Variants in GLI2 observed in about 807,000 individuals in gnomAD.
The protein encoded by GLI2 is GLI family zinc finger 2.
GLI2 carries 22 observed loss-of-function variants against 78.9 expected under a neutral mutation model. The observed-to-expected ratio is 0.28, with a 90% CI of 0.20 to 0.40. The LOEUF is 0.40. Among genes scored for constraint, GLI2 ranks in the 10% least tolerant of loss-of-function variants. The probability of loss-of-function intolerance (pLI) is 1.00; values close to 1 mark genes in which losing one functional copy is unlikely to be tolerated. For missense variants in GLI2, 2,097 were observed against 2,213.2 expected (o/e 0.95, Z 1.05); for synonymous variants, 974 against 963.7 (o/e 1.01, Z -0.20).
intron 2 of GLI2, among the ~76,000 whole-genome samples, chr2:120,823,055 C>T (rs1231478037): frequency 9.0e-6 from 1 of 111,652 alleles, no homozygotes; most frequent in Non-Finnish European, 1.8e-5. Context: ...GACATCCCAA[C>T]AGGGAACCTG....
In GLI2 at chr2:120,929,754, C is replaced by T. The variant is rs891842117; in HGVS notation, c.254+2288C>T. Among the ~76,000 whole-genome samples, 5 of 152,246 alleles carry T rather than the reference C, an allele frequency of 3.3e-5. No individual in the cohort carries two copies. The South Asian group carries it at 8.3e-4, about 25-fold the overall frequency. On this transcript the variant is annotated intron_variant, in intron 3 of 13. Transcript: ENST00000361492. ...ACCTGGTTCTCACTTGACTAGGATC[C>T]GCTGCCGCAGCCTTATGTCTGCCTG...
chr2:120,747,115 A>T (rs541640583), intron 1 of GLI2, among the ~76,000 whole-genome samples: 3 of 152,234 alleles, frequency 2.0e-5, no homozygotes, highest in Non-Finnish European at 2.9e-5. Flanking sequence ...AGATTCCCAA[A>T]AGTGGAATAA....
intron 11 of GLI2, among the ~76,000 whole-genome samples, chr2:120,983,397 A>G (rs1449805204): frequency 6.6e-6 from 1 of 152,200 alleles, no homozygotes; most frequent in Non-Finnish European, 1.5e-5. Context: ...ATCCTGGGTC[A>G]CTGCTCCCCA....
In GLI2 at chr2:120,736,001, G is replaced by A. The variant is rs1408395470; in HGVS notation, c.-315G>A. 2.6e-5 allele frequency among the ~76,000 whole-genome samples: 4 copies of A among 151,912 alleles called. No individual in the cohort carries two copies. The highest frequency in any genetic ancestry group is 1.3e-4 in the Admixed American group (2 of 15,258). On this transcript the variant is annotated 5_prime_UTR_variant, in exon 1 of 14. Coordinates refer to ENST00000361492, the MANE Select transcript of GLI2 (RefSeq NM_001374353.1). ...GGCGGCTGCGACTGCGAACGCGGAG[G>A]AAGGCCAGGAGCCGCAGGAGGAGCC...
At position 120,762,009 on chromosome 2, in the gene GLI2, A is replaced by G. The variant is rs188014633; in HGVS notation, c.-31+25724A>G. On this transcript the variant is annotated intron_variant, in intron 1 of 13. Coordinates refer to ENST00000361492, the MANE Select transcript of GLI2 (RefSeq NM_001374353.1). ...GTTCCCAGTGCCGCTTTGCTTCAGC[A>G]CAGCTGATGGCAGACATTCAGATAA... Among the ~76,000 whole-genome samples the G allele has an allele frequency of 5.2e-3, 796 of 152,344 alleles. 6 individuals carry two copies. The highest frequency in any genetic ancestry group is 7.7e-3 in the Non-Finnish European group (526 of 68,022).
At chr2:120,912,274 G>GTT (rs564285080) in intron 2 of GLI2, among the ~76,000 whole-genome samples, 7,218 of 136,840 alleles carry the variant, frequency 0.053, 294 homozygotes, top group African/African-American at 0.11. Context: ...TTTGCAAGAG[G>GTT]TTTTTTTTTT....
chr2:120,785,698 G>C (rs1683978223), intron 1 of GLI2, among the ~76,000 whole-genome samples: 2 of 152,216 alleles, frequency 1.3e-5, no homozygotes, highest in African/African-American at 2.4e-5. Flanking sequence ...CGTGGCTGCA[G>C]GTGGCTTGGA....
chr2:120,736,770 C>G (rs776500), intron 1 of GLI2, among the ~76,000 whole-genome samples: 3,166 of 152,060 alleles, frequency 0.021, 113 homozygotes, highest in African/African-American at 0.072. Context: ...CACTTCTCCG[C>G]GCTGCGCGTC....
intron 2 of GLI2, among the ~76,000 whole-genome samples, chr2:120,816,950 C>T (rs1293727596): frequency 6.6e-6 from 1 of 152,226 alleles, no homozygotes; most frequent in African/African-American, 2.4e-5. Context: ...ATCCATGGGT[C>T]TGTCTTGCAC....
In GLI2 at chr2:120,948,302, G is replaced by A. The variant is rs186018026; in HGVS notation, c.255-2941G>A. ...GCTTACTTCATGGGGGCTGCCATGAGGATATAGTCCAGGCATCCCTGCAGA... is the reference window on the plus strand; with the variant it reads ...GCTTACTTCATGGGGGCTGCCATGAAGATATAGTCCAGGCATCCCTGCAGA... On this transcript the variant is annotated intron_variant, in intron 3 of 13. Transcript: ENST00000361492. Among the ~76,000 whole-genome samples the A allele has an allele frequency of 3.0e-4, 45 of 152,312 alleles. 1 individual carries two copies. Among genetic ancestry groups the A allele is most frequent in the Admixed American group, 1.0e-3 (16 of 15,314 alleles).
chr2:120,907,291 G>A (rs1273082024), intron 2 of GLI2, among the ~76,000 whole-genome samples: 2 of 152,064 alleles, frequency 1.3e-5, no homozygotes, highest in Non-Finnish European at 2.9e-5. Flanking sequence ...TTGAGACCTG[G>A]CCCAGCACTT....
Position 120,978,536 on chromosome 2 carries a change from G to A in GLI2, c.1420G>A (p.Val474Met). 6.2e-7 allele frequency: 1 copy of A among 1,614,110 alleles called. No homozygotes were observed. The highest frequency in any genetic ancestry group is 8.5e-7 in the Non-Finnish European group (1 of 1,180,020). ...GCCCTTCAAGGCGCAGTACATGCTG[G>A]TGGTGCACATGCGGCGACACACGGG... Reference protein sequence around the residue: ...QKPFKAQYMLVVHMRRHTGEK... With the variant: ...QKPFKAQYMLMVHMRRHTGEK... The change falls in exon 10 of 14, where the codon GTG becomes ATG. Residue 474 changes from valine to methionine, a missense_variant. Coordinates refer to ENST00000361492, the MANE Select transcript of GLI2 (RefSeq NM_001374353.1).
In GLI2 at chr2:120,949,774, G is replaced by A. The variant is rs111603083; in HGVS notation, c.255-1469G>A. Among the ~76,000 whole-genome samples, 740 of 152,332 alleles carry A rather than the reference G, an allele frequency of 4.9e-3. 2 individuals carry two copies. The highest frequency in any genetic ancestry group is 0.017 in the African/African-American group (700 of 41,568). ...AGACTCCCTCCAGGCCTGGCACAGC[G>A]GCCTCCCAGGGGGGTGTTTGTGAAA... On this transcript the variant is annotated intron_variant, in intron 3 of 13. Transcript: ENST00000361492.
chr2:120,782,930 A>T (rs1014920972), intron 1 of GLI2, among the ~76,000 whole-genome samples: 2 of 152,182 alleles, frequency 1.3e-5, no homozygotes, highest in South Asian at 2.1e-4. Context: ...TGGGACCTCC[A>T]TGAGGCTCCC....
intron 1 of GLI2, among the ~76,000 whole-genome samples, chr2:120,756,837 TTTC>T (rs1284468874): frequency 6.6e-6 from 1 of 152,218 alleles, no homozygotes; most frequent in Non-Finnish European, 1.5e-5. Flanking sequence ...TCTTTAAATA[TTTC>T]TTCTTCCTAT....
At chr2:120,864,579 C>G (rs983753865) in intron 2 of GLI2, among the ~76,000 whole-genome samples, 3 of 152,204 alleles carry the variant, frequency 2.0e-5, no homozygotes, top group African/African-American at 7.2e-5. Context: ...TCACACCATT[C>G]TCCTGCCTCA....
At chr2:120,985,617 A>G (rs1290421600) in intron 12 of GLI2, among the ~76,000 whole-genome samples, 5 of 152,136 alleles carry the variant, frequency 3.3e-5, no homozygotes, top group Non-Finnish European at 4.4e-5. Flanking sequence ...TGGCCTAACA[A>G]TGAGCCCAGA....
At chr2:120,957,874 G>T (rs750816155) in intron 5 of GLI2, among the ~76,000 whole-genome samples, 25 of 152,240 alleles carry the variant, frequency 1.6e-4, no homozygotes, top group Non-Finnish European at 2.6e-4. Context: ...GAGCAAATGG[G>T]CTCCCAGCAT....
At chr2:120,841,400 G>C (rs1686862207) in intron 2 of GLI2, among the ~76,000 whole-genome samples, 1 of 152,182 alleles carries the variant, frequency 6.6e-6, no homozygotes, top group Non-Finnish European at 1.5e-5. Context: ...ATCTCACTTT[G>C]CCTGGGGCCA....
Sources: allele counts gnomAD v4.1 joint callset (sites outside exome capture counted in the v4.1 genomes callset), GRCh38; gene constraint gnomAD v4.1.1; transcripts MANE v1.5; gene names NCBI Gene and HGNC (gene_info 2026-07-23, HGNC 2026-07-21).